The following DSCAML1 variants were observed in gnomAD, a reference collection of about 807,000 sequenced individuals.
DSCAML1 encodes cell adhesion molecule DSCAML1.
In DSCAML1, 38 loss-of-function variants were observed where a neutral mutation model predicts 200.5. That is an observed-to-expected ratio of 0.19 (90% CI 0.15 to 0.25). The LOEUF (loss-of-function observed/expected upper bound fraction) is 0.25, where lower values mean the gene tolerates loss of function less well. Among genes scored for constraint, DSCAML1 ranks in the 10% least tolerant of loss-of-function variants. The pLI is 1.00. For synonymous variants in DSCAML1, 1,215 were observed against 1,165.0 expected, an observed-to-expected ratio of 1.04 and a Z score of -0.87; for missense variants, 2,223 against 2,858.8, an observed-to-expected ratio of 0.78 and a Z score of 5.07.
In DSCAML1 at chr11:117,441,073, C is replaced by T. The variant is rs7947683; in HGVS notation, c.3863-1137G>A. Among the ~76,000 whole-genome samples, 6 of 151,842 alleles carry T rather than the reference C, an allele frequency of 4.0e-5. No individual in the cohort carries two copies. In the South Asian group the frequency reaches 8.3e-4, roughly 21 times the overall value. On this transcript the variant is annotated intron_variant, in intron 21 of 32. Coordinates refer to ENST00000651296, the MANE Select transcript of DSCAML1 (RefSeq NM_020693.4). Reference sequence around the variant, plus strand: ...GCCAGAATGCAGGCTGGAGGTGATGCGTAGCAGTGGGGAGATGAGGGGCTC... The same window carrying T: ...GCCAGAATGCAGGCTGGAGGTGATGTGTAGCAGTGGGGAGATGAGGGGCTC...
intron 3 of DSCAML1, among the ~76,000 whole-genome samples, chr11:117,607,784 C>T (rs2051599726): frequency 6.6e-6 from 1 of 152,236 alleles, no homozygotes; most frequent in Non-Finnish European, 1.5e-5. Context: ...CCAGAGGGGC[C>T]TGTTCCCAAC....
intron 3 of DSCAML1, among the ~76,000 whole-genome samples, chr11:117,700,952 A>G (rs1171286457): frequency 6.6e-6 from 1 of 152,214 alleles, no homozygotes; most frequent in Admixed American, 6.5e-5. Flanking sequence ...ACTTTGCTTT[A>G]CTTTCTCTTA....
At chr11:117,744,858 T>C (rs1259213559) in intron 3 of DSCAML1, among the ~76,000 whole-genome samples, 1 of 152,154 alleles carries the variant, frequency 6.6e-6, no homozygotes, top group African/African-American at 2.4e-5. Flanking sequence ...AAAAGAAGCA[T>C]GTCAGCTCTG....
intron 3 of DSCAML1, among the ~76,000 whole-genome samples, chr11:117,542,312 C>CACA (rs1216329541): frequency 9.7e-6 from 1 of 103,262 alleles, no homozygotes; most frequent in African/African-American, 3.2e-5. Context: ...CAAAACAAAA[C>CACA]AAAACAAAAC....
At chr11:117,700,339 G>A (rs916582052) in intron 3 of DSCAML1, among the ~76,000 whole-genome samples, 1 of 152,140 alleles carries the variant, frequency 6.6e-6, no homozygotes, top group Non-Finnish European at 1.5e-5. Context: ...GCAGCCCCGG[G>A]TCTCCTTCCA....
intron 11 of DSCAML1, among the ~76,000 whole-genome samples, chr11:117,488,681 G>A (rs117101839): frequency 0.017 from 2,662 of 152,246 alleles, 38 homozygotes; most frequent in Middle Eastern, 0.051. Context: ...CACATAACCC[G>A]ATGCAATGAT....
chr11:117,531,910 GAAGGA>G (rs1488793645), intron 4 of DSCAML1, among the ~76,000 whole-genome samples: 2 of 96,220 alleles, frequency 2.1e-5, no homozygotes, highest in Admixed American at 1.4e-4. Flanking sequence ...AAAGGGAAGG[GAAGGA>G]AAGGGAAGGG....
intron 3 of DSCAML1, among the ~76,000 whole-genome samples, chr11:117,682,902 C>T (rs1417430175): frequency 6.6e-6 from 1 of 152,144 alleles, no homozygotes; most frequent in Non-Finnish European, 1.5e-5. Context: ...CCCGAAGAGA[C>T]CAGGTGACTT....
chr11:117,755,274 G>A (rs968942366), intron 3 of DSCAML1, among the ~76,000 whole-genome samples: 13 of 152,118 alleles, frequency 8.5e-5, no homozygotes, highest in Non-Finnish European at 1.2e-4. Context: ...TTATGTGAAC[G>A]CTAATTTATG....
rs1410505039 is a variant in DSCAML1 at position 117,780,306 on chromosome 11, G to GAAAGAAAGAA, written c.364+186_364+187insTTCTTTCTTT. 7.1e-5 allele frequency among the ~76,000 whole-genome samples: 7 copies of GAAAGAAAGAA among 99,268 alleles called. No homozygotes were observed. The East Asian group carries it at 1.0e-3, about 15-fold the overall frequency. 65.1% of individuals were successfully genotyped at this position (99,268 alleles called of 152,430 possible). Reference sequence around the variant, plus strand: ...AAAGAAAGAAAGAAAGAAAGAAAGAGAGAAAGGAGAAAGAAAGGTGTCTCT... The same window carrying GAAAGAAAGAA: ...AAAGAAAGAAAGAAAGAAAGAAAGAGAAAGAAAGAAAGAAAGGAGAAAGAAAGGTGTCTCT... On this transcript the variant is annotated intron_variant, in intron 2 of 32. Coordinates refer to ENST00000651296, the MANE Select transcript of DSCAML1 (RefSeq NM_020693.4). This position sits in a 1 kb window ranked among gnomAD's most constrained non-coding sequence, Gnocchi z 4.8.
chr11:117,588,212 G>C (rs1034316834), intron 3 of DSCAML1, among the ~76,000 whole-genome samples: 1 of 152,140 alleles, frequency 6.6e-6, no homozygotes, highest in African/African-American at 2.4e-5. Flanking sequence ...TCTGGCACCA[G>C]GGTCCATTTT....
At chr11:117,756,467 G>A (rs188022423) in intron 3 of DSCAML1, among the ~76,000 whole-genome samples, 23 of 152,260 alleles carry the variant, frequency 1.5e-4, no homozygotes, top group East Asian at 1.9e-4. Flanking sequence ...CAGAGCCAGC[G>A]ACCACGATGA....
At chr11:117,660,408 T>G (rs975023949) in intron 3 of DSCAML1, among the ~76,000 whole-genome samples, 1 of 152,174 alleles carries the variant, frequency 6.6e-6, no homozygotes, top group Non-Finnish European at 1.5e-5. Context: ...GGGCCCCAGG[T>G]TCCTCAGCCG....
At chr11:117,459,056 C>T (rs1199339239) in intron 18 of DSCAML1, 147 bp from the exon 19 acceptor site, 1 of 1,075,760 alleles carries the variant, frequency 9.3e-7, no homozygotes. Flanking sequence ...TCTTTCACCT[C>T]AAGGTACCCA....
chr11:117,756,605 G>T (rs931939644), intron 3 of DSCAML1, among the ~76,000 whole-genome samples: 1 of 152,126 alleles, frequency 6.6e-6, no homozygotes, highest in African/African-American at 2.4e-5. Context: ...TGCTATCTGG[G>T]TTGTAGAAAA....
intron 3 of DSCAML1, among the ~76,000 whole-genome samples, chr11:117,771,527 T>C (rs1442042921): frequency 6.6e-6 from 1 of 152,162 alleles, no homozygotes; most frequent in African/African-American, 2.4e-5. Context: ...GGTGGCAGAT[T>C]TCTGTTCCCA....
At chr11:117,776,263 T>C (rs2055127614) in intron 3 of DSCAML1, among the ~76,000 whole-genome samples, 1 of 152,128 alleles carries the variant, frequency 6.6e-6, no homozygotes, top group Admixed American at 6.6e-5. Flanking sequence ...CGAGGCCAGC[T>C]AGAATTCCAA....
chr11:117,703,609 C>T (rs552883799), intron 3 of DSCAML1, among the ~76,000 whole-genome samples: 63 of 152,208 alleles, frequency 4.1e-4, no homozygotes, highest in Non-Finnish European at 7.2e-4. Flanking sequence ...TGCCCACTCC[C>T]GACCATCCCC....
At chr11:117,647,108 C>T (rs1408468444) in intron 3 of DSCAML1, among the ~76,000 whole-genome samples, 1 of 152,226 alleles carries the variant, frequency 6.6e-6, no homozygotes. Flanking sequence ...CTCCCATCTT[C>T]CTTTCCTACG....
Sources: gnomAD v4.1 joint callset for allele counts (sites outside exome capture counted in the v4.1 genomes callset) on GRCh38, gnomAD v4.1.1 for gene constraint, Gnocchi (gnomAD v3.1) non-coding constraint, MANE v1.5 for transcripts, NCBI Gene and HGNC (gene_info 2026-07-23, HGNC 2026-07-21) for gene names.